Variants in UBAC2 observed in about 807,000 individuals in gnomAD.
UBAC2 encodes ubiquitin-associated domain-containing protein 2.
UBAC2 carries 26 observed loss-of-function variants against 44.0 expected under a neutral mutation model. The ratio of observed to expected loss-of-function variants is 0.59; its 90% confidence interval spans 0.43 to 0.82. UBAC2 has a LOEUF of 0.82. Among genes scored for constraint, UBAC2 ranks in the 40% least tolerant of loss-of-function variants. UBAC2 has a pLI of 0.00. For missense variants in UBAC2, 329 were observed against 419.4 expected (o/e 0.78, Z 1.88); for synonymous variants, 155 against 154.3 (o/e 1.00, Z -0.04).
intron 7 of UBAC2, among the ~76,000 whole-genome samples, chr13:99,342,959 A>G (rs1159620544): frequency 6.6e-6 from 1 of 152,220 alleles, no homozygotes; most frequent in African/African-American, 2.4e-5. Flanking sequence ...GTCCTGAGCC[A>G]GCCTGTCCAT....
At chr13:99,294,289 A>G (rs1261880845) in intron 4 of UBAC2, among the ~76,000 whole-genome samples, 1 of 152,150 alleles carries the variant, frequency 6.6e-6, no homozygotes, top group Non-Finnish European at 1.5e-5. Context: ...CATGTCTTTT[A>G]TTCTCAAGAT....
At chr13:99,210,282 C>T (rs2042922476) in intron 1 of UBAC2, among the ~76,000 whole-genome samples, 1 of 152,122 alleles carries the variant, frequency 6.6e-6, no homozygotes, top group Non-Finnish European at 1.5e-5. Context: ...TAGGAAAGCA[C>T]TAGGAAGAAA....
intron 4 of UBAC2, among the ~76,000 whole-genome samples, chr13:99,264,638 CA>C (rs1310635368): frequency 6.6e-6 from 1 of 152,182 alleles, no homozygotes; most frequent in Non-Finnish European, 1.5e-5. Flanking sequence ...TCACTCTCCC[CA>C]GGGGCAGTTG....
chr13:99,379,601 G>A (rs968255174), intron 8 of UBAC2, among the ~76,000 whole-genome samples: 18 of 152,220 alleles, frequency 1.2e-4, no homozygotes, highest in African/African-American at 3.6e-4. Context: ...ATCCATCCTC[G>A]GTACATGATC....
intron 6 of UBAC2, among the ~76,000 whole-genome samples, chr13:99,321,852 A>G (rs1473344798): frequency 6.6e-6 from 1 of 152,224 alleles, no homozygotes; most frequent in Non-Finnish European, 1.5e-5. Context: ...TAGTTTGCCC[A>G]GGATGGCTGT....
intron 1 of UBAC2, among the ~76,000 whole-genome samples, chr13:99,230,542 C>G (rs1022578533): frequency 1.3e-5 from 2 of 152,188 alleles, no homozygotes; most frequent in Non-Finnish European, 2.9e-5. Context: ...CAAAATGGAT[C>G]TCACTGGGAT....
chr13:99,301,874 G>T (rs1368593095), intron 4 of UBAC2, among the ~76,000 whole-genome samples: 1 of 152,166 alleles, frequency 6.6e-6, no homozygotes, highest in Non-Finnish European at 1.5e-5. Context: ...ACAGCTTTTG[G>T]TTTTTGCTGA....
At chr13:99,335,544 G>A (rs1278240176) in intron 6 of UBAC2, among the ~76,000 whole-genome samples, 7 of 151,998 alleles carry the variant, frequency 4.6e-5, no homozygotes, top group South Asian at 2.1e-4. Flanking sequence ...GTGCACAAAC[G>A]GCATAGACTA....
intron 1 of UBAC2, chr13:99,205,785 G>A (rs1300421872): frequency 6.0e-6 from 1 of 166,204 alleles, no homozygotes; most frequent in Admixed American, 6.5e-5. Flanking sequence ...TGGCTGGCTA[G>A]GCGGGTGTCC....
intron 7 of UBAC2, chr13:99,351,904 C>T (rs1173582849): frequency 2.6e-6 from 1 of 383,032 alleles, no homozygotes; most frequent in Non-Finnish European, 5.2e-6. Flanking sequence ...GCTACTGACA[C>T]CCAGAGTGGC....
In UBAC2 at chr13:99,228,483, G is replaced by A. The variant is rs1326386490; in HGVS notation, c.32-9944G>A. ...TAATTTTTGTATTTTTAGTAGTGAC[G>A]GGGCTTCACGATGTTGGCCAGGCTA... On this transcript the variant is annotated intron_variant, in intron 1 of 8. Coordinates refer to ENST00000403766, the MANE Select transcript of UBAC2 (RefSeq NM_001144072.2). 3.3e-5 allele frequency among the ~76,000 whole-genome samples: 5 copies of A among 151,932 alleles called. No homozygotes were observed. The South Asian group carries it at 8.4e-4, about 25-fold the overall frequency.
At chr13:99,242,592 G>T (rs1394224109) in intron 2 of UBAC2, among the ~76,000 whole-genome samples, 1 of 125,808 alleles carries the variant, frequency 7.9e-6, no homozygotes, top group Non-Finnish European at 1.7e-5. Context: ...GGGCAGAGGC[G>T]CCCCTCACCT....
At chr13:99,356,898 T>C (rs539739584) in intron 7 of UBAC2, among the ~76,000 whole-genome samples, 1 of 152,194 alleles carries the variant, frequency 6.6e-6, no homozygotes, top group South Asian at 2.1e-4. Flanking sequence ...GTGGTTCTGG[T>C]GGTGGGCTTT....
chr13:99,276,178 A>T (rs1020426668), intron 4 of UBAC2, among the ~76,000 whole-genome samples: 2 of 152,190 alleles, frequency 1.3e-5, no homozygotes, highest in African/African-American at 4.8e-5. Context: ...CAACGCTAAC[A>T]AGTAGTACTC....
chr13:99,253,745 C>T (rs1181752641), intron 4 of UBAC2, among the ~76,000 whole-genome samples: 1 of 152,164 alleles, frequency 6.6e-6, no homozygotes, highest in Non-Finnish European at 1.5e-5. Flanking sequence ...AACTCCTGAC[C>T]TCAAGTGATC....
intron 8 of UBAC2, among the ~76,000 whole-genome samples, chr13:99,370,184 T>A (rs1169949364): frequency 6.6e-6 from 1 of 152,174 alleles, no homozygotes; most frequent in Non-Finnish European, 1.5e-5. Context: ...AAATACACAC[T>A]GAAGTATGAA....
At chr13:99,277,048 GT>G (rs2043893068) in intron 4 of UBAC2, among the ~76,000 whole-genome samples, 1 of 152,096 alleles carries the variant, frequency 6.6e-6, no homozygotes, top group African/African-American at 2.4e-5. Context: ...GTTTTCTCAG[GT>G]TTGCCAAGAT....
At chr13:99,310,874 G>A (rs1235447143) in intron 4 of UBAC2, among the ~76,000 whole-genome samples, 3 of 152,012 alleles carry the variant, frequency 2.0e-5, no homozygotes, top group Admixed American at 1.3e-4. Flanking sequence ...TGAATTAAGC[G>A]CCTCCAAGGG....
At chr13:99,201,036 G>C in intron 1 of UBAC2, 97 bp downstream of exon 1, 1 of 1,296,642 alleles carries the variant, frequency 7.7e-7, no homozygotes, top group Non-Finnish European at 9.9e-7. Context: ...GGGTTTGCCG[G>C]AGGTGGTGGG....
Sources: allele counts gnomAD v4.1 joint callset (sites outside exome capture counted in the v4.1 genomes callset), GRCh38; gene constraint gnomAD v4.1.1; transcripts MANE v1.5; gene names NCBI Gene and HGNC (gene_info 2026-07-23, HGNC 2026-07-21).